Variants in THSD4 observed in about 807,000 individuals in gnomAD.
The protein encoded by THSD4 is thrombospondin type 1 domain containing 4, also known as thrombospondin type-1 domain-containing protein 4.
THSD4 carries 69 observed loss-of-function variants against 119.0 expected under a neutral mutation model. The ratio of observed to expected loss-of-function variants is 0.58; its 90% CI spans 0.48 to 0.71. THSD4 has a LOEUF of 0.71. Among genes scored for constraint, THSD4 ranks in the 30% least tolerant of loss-of-function variants. The pLI, the probability that THSD4 is intolerant of heterozygous loss-of-function variation, is 0.00. For synonymous variants in THSD4, 524 were observed against 540.4 expected, an observed-to-expected ratio of 0.97 and a Z score of 0.42; for missense variants, 1,393 against 1,391.1, an observed-to-expected ratio of 1.00 and a Z score of -0.02.
At chr15:71,698,275 T>C (rs1434595163) in intron 8 of THSD4, among the ~76,000 whole-genome samples, 1 of 152,008 alleles carries the variant, frequency 6.6e-6, no homozygotes, top group Non-Finnish European at 1.5e-5. Flanking sequence ...GGTGCTAAGG[T>C]AGAATCTGAG....
chr15:71,546,599 C>A (rs1012027857), intron 7 of THSD4, among the ~76,000 whole-genome samples: 1 of 152,148 alleles, frequency 6.6e-6, no homozygotes, highest in African/African-American at 2.4e-5. Flanking sequence ...ATGTTACCAC[C>A]TATTTTTACA....
intron 8 of THSD4, among the ~76,000 whole-genome samples, chr15:71,662,111 G>A: frequency 6.6e-6 from 1 of 152,184 alleles, no homozygotes; most frequent in East Asian, 1.9e-4. Context: ...TGGCCGTGCA[G>A]CAGTCAATGG....
intron 7 of THSD4, among the ~76,000 whole-genome samples, chr15:71,660,217 C>G (rs1282477471): frequency 1.3e-5 from 2 of 152,226 alleles, no homozygotes; most frequent in Non-Finnish European, 2.9e-5. Context: ...AGACCATCCT[C>G]TCCCCTTCCA....
At chr15:71,310,869 G>A (rs902672616) in intron 6 of THSD4, among the ~76,000 whole-genome samples, 3 of 152,170 alleles carry the variant, frequency 2.0e-5, no homozygotes, top group Admixed American at 1.3e-4. Context: ...GCAGGAGAAT[G>A]TCAAAGAAAA....
At chr15:71,703,911 G>C (rs1039649172) in intron 8 of THSD4, among the ~76,000 whole-genome samples, 1 of 152,202 alleles carries the variant, frequency 6.6e-6, no homozygotes, top group East Asian at 1.9e-4. Context: ...GTGCAGTGGC[G>C]CGATCTCTGC....
At chr15:71,158,768 T>C (rs1387258599) in intron 3 of THSD4, among the ~76,000 whole-genome samples, 1 of 152,114 alleles carries the variant, frequency 6.6e-6, no homozygotes, top group Non-Finnish European at 1.5e-5. Flanking sequence ...CTTTTCAGTT[T>C]ATTGTGGAAA....
At chr15:71,469,897 A>G (rs1315338322) in intron 7 of THSD4, among the ~76,000 whole-genome samples, 2 of 152,252 alleles carry the variant, frequency 1.3e-5, no homozygotes, top group Non-Finnish European at 1.5e-5. Context: ...GGAGAACAAC[A>G]TACAGTTATA....
intron 7 of THSD4, among the ~76,000 whole-genome samples, chr15:71,537,913 C>T (rs1264946521): frequency 6.6e-6 from 1 of 151,974 alleles, no homozygotes; most frequent in Non-Finnish European, 1.5e-5. Context: ...CAGGTACATG[C>T]CACCATGCCC....
At chr15:71,373,590 G>C (rs1257780456) in intron 6 of THSD4, among the ~76,000 whole-genome samples, 1 of 152,134 alleles carries the variant, frequency 6.6e-6, no homozygotes, top group East Asian at 1.9e-4. Context: ...AAGATCTGGT[G>C]GTGAAGCTTT....
At chr15:71,152,898 T>C (rs1215557526) in intron 2 of THSD4, among the ~76,000 whole-genome samples, 1 of 152,128 alleles carries the variant, frequency 6.6e-6, no homozygotes, top group African/African-American at 2.4e-5. Context: ...ACATTTACTT[T>C]CTAGGAGGGG....
At chr15:71,136,875 G>A (rs560365392) in intron 1 of THSD4, among the ~76,000 whole-genome samples, 3 of 152,166 alleles carry the variant, frequency 2.0e-5, no homozygotes, top group African/African-American at 7.2e-5. Flanking sequence ...TGGTGTCATA[G>A]TTCAGGCAGC....
intron 7 of THSD4, among the ~76,000 whole-genome samples, chr15:71,656,571 C>A (rs765567795): frequency 3.3e-5 from 5 of 152,188 alleles, no homozygotes; most frequent in Non-Finnish European, 7.3e-5. Flanking sequence ...TTCATGGTAA[C>A]TATGCTTTGA....
chr15:71,148,515 AT>A (rs34693875), intron 2 of THSD4, among the ~76,000 whole-genome samples: 34,818 of 150,808 alleles, frequency 0.23, 6,168 homozygotes, highest in African/African-American at 0.49. Flanking sequence ...AATAGAATGC[AT>A]TTTTTTTTTA....
At chr15:71,507,577 G>T (rs1361838835) in intron 7 of THSD4, among the ~76,000 whole-genome samples, 1 of 152,156 alleles carries the variant, frequency 6.6e-6, no homozygotes, top group Non-Finnish European at 1.5e-5. Context: ...GAAAGGTGGG[G>T]GCTGAGGAGA....
chr15:71,137,517 G>GTATT (rs913679986), intron 1 of THSD4, among the ~76,000 whole-genome samples: 7 of 151,782 alleles, frequency 4.6e-5, no homozygotes, highest in Non-Finnish European at 7.4e-5. Flanking sequence ...ATGAATGCAG[G>GTATT]TATTTTTTTC....
At chr15:71,137,453 CT>C (rs1298430126) in intron 1 of THSD4, among the ~76,000 whole-genome samples, 1 of 152,158 alleles carries the variant, frequency 6.6e-6, no homozygotes, top group Non-Finnish European at 1.5e-5. Context: ...AGAATGAGGA[CT>C]TTTAAACTTT....
rs562241844 is a variant in THSD4, at chr15:71,162,784, T to C, written c.99+7852T>C. Among the ~76,000 whole-genome samples the C allele has an allele frequency of 9.2e-5, 14 of 152,196 alleles. No homozygotes were observed. In the South Asian group the frequency reaches 2.3e-3, roughly 25 times the overall value. On this transcript the variant is annotated intron_variant, in intron 3 of 17. Coordinates refer to ENST00000261862, the MANE Select transcript of THSD4 (RefSeq NM_024817.3). ...GCAAATATTTGTTCCCTTAATGGTG[T>C]CCCATAAGTCCCATGTGCTTTCTTT...
chr15:71,182,376 TG>T (rs2043540001), intron 3 of THSD4, among the ~76,000 whole-genome samples: 1 of 151,794 alleles, frequency 6.6e-6, no homozygotes, highest in Non-Finnish European at 1.5e-5. Flanking sequence ...ATCTTAAATG[TG>T]GTCTTCTTAT....
At chr15:71,741,711 ACACACACACAC>A (rs2053239432) in intron 11 of THSD4, among the ~76,000 whole-genome samples, 1 of 148,138 alleles carries the variant, frequency 6.8e-6, no homozygotes, top group Non-Finnish European at 1.5e-5. Flanking sequence ...ACACACACAC[ACACACACACAC>A]ACACACTCGG....
Sources: allele counts gnomAD v4.1 joint callset (sites outside exome capture counted in the v4.1 genomes callset), GRCh38; gene constraint gnomAD v4.1.1; transcripts MANE v1.5; gene names NCBI Gene and HGNC (gene_info 2026-07-23, HGNC 2026-07-21).